Variants in KCNH8 observed in about 807,000 individuals in gnomAD.
KCNH8 encodes potassium voltage-gated channel subfamily H member 8.
In KCNH8, 70 loss-of-function variants were observed where a neutral mutation model predicts 103.6. The ratio of observed to expected loss-of-function variants is 0.68; its 90% CI spans 0.56 to 0.82. KCNH8 has a LOEUF of 0.82. Ranked by LOEUF, KCNH8 falls within the 40% of genes least tolerant of loss-of-function variation. The pLI, the probability that KCNH8 is intolerant of heterozygous loss-of-function variation, is 0.00. For synonymous variants in KCNH8, 498 were observed against 489.4 expected, an observed-to-expected ratio of 1.02 and a Z score of -0.23; for missense variants, 1,217 against 1,329.9, an observed-to-expected ratio of 0.92 and a Z score of 1.32.
intron 1 of KCNH8, among the ~76,000 whole-genome samples, chr3:19,247,007 T>C (rs2125248969): frequency 6.6e-6 from 1 of 152,326 alleles, no homozygotes. Context: ...GCACTAGAGT[T>C]CCAGCTTTGA....
chr3:19,470,284 G>A (rs1481532089), intron 11 of KCNH8, among the ~76,000 whole-genome samples: 4 of 152,092 alleles, frequency 2.6e-5, no homozygotes. Flanking sequence ...CATACCACAA[G>A]TACCCGCTGG....
rs1226862543 is a variant in KCNH8, at chr3:19,534,023, A to C, written c.3248A>C (p.Lys1083Thr). The change falls in exon 16 of 16, where the codon AAA (lysine) becomes ACA (threonine). Residue 1083 changes from lysine to threonine, a missense_variant. Lys to Thr is a moderately conservative substitution (Grantham distance 78). Around this residue, in one of 3 missense-constraint regions of KCNH8, gnomAD observed 558 missense variants for 495.8 expected, o/e 1.13. Transcript: ENST00000328405. ...NQEGMASAST[K>T]PLENLPLEVV... is the part of the protein sequence containing the mutation. ...GAAGGAATGGCATCAGCTTCTACAA[A>C]ACCTTTGGAGAACCTTCCACTGGAA... The C allele has an allele frequency of 6.2e-7, 1 of 1,614,048 alleles. No homozygotes were observed. Among genetic ancestry groups the C allele is most frequent in the Admixed American group, 1.7e-5 (1 of 60,006 alleles).
rs1159232454 is a variant in KCNH8 at position 19,308,706 on chromosome 3, CT to C, written c.442+27378del. Among the ~76,000 whole-genome samples the C allele has an allele frequency of 2.8e-4, 23 of 82,184 alleles. 1 individual carries two copies. The highest frequency in any genetic ancestry group is 4.4e-4 in the South Asian group (1 of 2,262). The allele number at this position is 82,184 out of a possible 152,430, so 53.9% of individuals were successfully genotyped here. ...TCTCTCTCTCTCTCTCTCTCTCTCT[CT>C]CTCTCTCTCTCCCCCTCTCTCCCTC... On this transcript the variant is annotated intron_variant, in intron 3 of 15. Transcript: ENST00000328405.
At chr3:19,259,423 A>T (rs2064398511) in intron 2 of KCNH8, among the ~76,000 whole-genome samples, 1 of 151,846 alleles carries the variant, frequency 6.6e-6, no homozygotes, top group African/African-American at 2.4e-5. Context: ...GCCAACCAGC[A>T]TATATGTTAT....
chr3:19,504,622 C>T (rs1301990436), intron 11 of KCNH8, among the ~76,000 whole-genome samples: 2 of 151,796 alleles, frequency 1.3e-5, no homozygotes, highest in Non-Finnish European at 2.9e-5. Context: ...AAATCAAAAC[C>T]ATGAGATACC....
At chr3:19,374,479 A>G (rs942257777) in intron 5 of KCNH8, among the ~76,000 whole-genome samples, 2 of 151,820 alleles carry the variant, frequency 1.3e-5, no homozygotes, top group Non-Finnish European at 2.9e-5. Flanking sequence ...TTCCTCCATC[A>G]TTTTATTTTG....
At chr3:19,254,866 A>G (rs2064327255) in intron 2 of KCNH8, among the ~76,000 whole-genome samples, 1 of 152,136 alleles carries the variant, frequency 6.6e-6, no homozygotes, top group African/African-American at 2.4e-5. Flanking sequence ...TATGAGAAGG[A>G]GTATTTTGTG....
At chr3:19,442,869 T>C (rs2067303375) in intron 8 of KCNH8, among the ~76,000 whole-genome samples, 1 of 152,124 alleles carries the variant, frequency 6.6e-6, no homozygotes, top group South Asian at 2.1e-4. Flanking sequence ...GCTCACACTA[T>C]TGAGCACTTT....
chr3:19,443,438 A>T (rs2067311975), intron 8 of KCNH8, among the ~76,000 whole-genome samples: 1 of 150,690 alleles, frequency 6.6e-6, no homozygotes, highest in Admixed American at 6.6e-5. Flanking sequence ...GTGTGTGTAT[A>T]TGTATATAAA....
intron 6 of KCNH8, among the ~76,000 whole-genome samples, chr3:19,391,992 T>G (rs887378046): frequency 1.3e-5 from 2 of 151,866 alleles, no homozygotes; most frequent in Non-Finnish European, 2.9e-5. Flanking sequence ...TACAATTCCA[T>G]TTTAAATTAA....
chr3:19,182,470 G>C (rs1019099111), intron 1 of KCNH8, among the ~76,000 whole-genome samples: 1 of 152,190 alleles, frequency 6.6e-6, no homozygotes, highest in Admixed American at 6.5e-5. Flanking sequence ...GGCAGAGCTT[G>C]CCGTGAGCCA....
At chr3:19,253,913 C>A in intron 2 of KCNH8, 26 bp downstream of exon 2, 1 of 1,533,976 alleles carries the variant, frequency 6.5e-7, no homozygotes, top group Non-Finnish European at 9.0e-7. Context: ...TTCGTGCTCA[C>A]TGGAGAGTAG....
At chr3:19,443,126 G>T (rs2067307287) in intron 8 of KCNH8, among the ~76,000 whole-genome samples, 1 of 151,588 alleles carries the variant, frequency 6.6e-6, no homozygotes, top group South Asian at 2.1e-4. Context: ...TAAGTCTAGG[G>T]TATCTCACTA....
intron 5 of KCNH8, among the ~76,000 whole-genome samples, chr3:19,375,872 G>A (rs891915693): frequency 1.3e-5 from 2 of 152,160 alleles, no homozygotes; most frequent in Non-Finnish European, 2.9e-5. Flanking sequence ...ACTGTGTGAG[G>A]TGTCAGTGTG....
chr3:19,520,265 A>C (rs1458322970), intron 15 of KCNH8, among the ~76,000 whole-genome samples: 2 of 151,586 alleles, frequency 1.3e-5, no homozygotes, highest in East Asian at 3.9e-4. Flanking sequence ...TTATCTTGTC[A>C]AACATTTAAA....
rs1280567922 is a variant in KCNH8 at position 19,347,898 on chromosome 3, T to C, written c.744T>C (p.Asn248=). The C allele has an allele frequency of 1.9e-6, 3 of 1,613,254 alleles. No homozygotes were observed. The Admixed American group carries it at 5.0e-5, about 27-fold the overall frequency. ...CTTACAACGTTTGCTTTATTGGCAA[T>C]GACGACCTGTCCACAACTCGGAGCA... ...TVPYNVCFIG[N]DDLSTTRSTT... is the part of the protein sequence containing the mutation. Residue 248 remains asparagine, a synonymous_variant, in exon 5 of 16, where the codon AAT becomes AAC. Coordinates refer to ENST00000328405, the MANE Select transcript of KCNH8 (RefSeq NM_144633.3).
chr3:19,149,450 G>GTT (rs796098636), intron 1 of KCNH8, among the ~76,000 whole-genome samples: 35 of 145,138 alleles, frequency 2.4e-4, no homozygotes, highest in African/African-American at 6.3e-4. Context: ...AAAGTTTTTA[G>GTT]TTTTTTTTTT....
intron 6 of KCNH8, 141 bp from the exon 7 acceptor site, chr3:19,394,963 T>C: frequency 1.5e-6 from 1 of 661,376 alleles, no homozygotes; most frequent in Non-Finnish European, 2.7e-6. Flanking sequence ...ATATAATATG[T>C]CAAGAACAAA....
At chr3:19,334,964 A>G (rs1011114617) in intron 3 of KCNH8, among the ~76,000 whole-genome samples, 1 of 152,006 alleles carries the variant, frequency 6.6e-6, no homozygotes, top group Non-Finnish European at 1.5e-5. Flanking sequence ...CTTGGTATTG[A>G]AGCTAATCAG....
Sources: gnomAD v4.1 joint callset for allele counts (sites outside exome capture counted in the v4.1 genomes callset) on GRCh38, gnomAD v4.1.1 for gene constraint, gnomAD v4.1.1 regional missense constraint, MANE v1.5 for transcripts, NCBI Gene and HGNC (gene_info 2026-07-23, HGNC 2026-07-21) for gene names.